The following EPB41L4A variants were observed in gnomAD, a reference collection of about 807,000 sequenced individuals.
EPB41L4A encodes erythrocyte membrane protein band 4.1 like 4A.
EPB41L4A carries 100 observed loss-of-function variants against 108.6 expected under a neutral mutation model. That is an observed-to-expected ratio of 0.92 (90% CI 0.78 to 1.09). The LOEUF is 1.09. EPB41L4A is among the 50% of genes least tolerant of loss of function. The pLI, the probability that EPB41L4A is intolerant of heterozygous loss-of-function variation, is 0.00. For synonymous variants in EPB41L4A, 319 were observed against 289.0 expected (o/e 1.10, Z -1.05); for missense variants, 1,030 against 842.7 (o/e 1.22, Z -2.75).
intron 2 of EPB41L4A, among the ~76,000 whole-genome samples, chr5:112,292,749 T>C (rs1466594172): frequency 6.6e-6 from 1 of 152,172 alleles, no homozygotes; most frequent in Non-Finnish European, 1.5e-5. Context: ...AGATTCAGAA[T>C]AAGGTTAAAT....
At chr5:112,359,931 T>C (rs889991026) in intron 1 of EPB41L4A, among the ~76,000 whole-genome samples, 1 of 152,250 alleles carries the variant, frequency 6.6e-6, no homozygotes, top group Non-Finnish European at 1.5e-5. Context: ...CATCTCAACA[T>C]ACATGTTGCA....
At chr5:112,340,864 T>C (rs1757271977) in intron 1 of EPB41L4A, among the ~76,000 whole-genome samples, 1 of 152,196 alleles carries the variant, frequency 6.6e-6, no homozygotes, top group African/African-American at 2.4e-5. Flanking sequence ...CATAAATATA[T>C]TTCATACATA....
chr5:112,268,699 T>A (rs1332663027), intron 4 of EPB41L4A, among the ~76,000 whole-genome samples: 2 of 151,538 alleles, frequency 1.3e-5, no homozygotes, highest in Non-Finnish European at 1.5e-5. Context: ...AAAAACAAAT[T>A]AGCCAGCCAG....
intron 1 of EPB41L4A, among the ~76,000 whole-genome samples, chr5:112,392,401 C>CAAAAAA (rs56256606): frequency 7.0e-4 from 25 of 35,916 alleles, no homozygotes; most frequent in African/African-American, 1.1e-3. Flanking sequence ...AAATGGAAAG[C>CAAAAAA]AAAAAAAAAA....
chr5:112,394,604 T>C (rs536143929), intron 1 of EPB41L4A, among the ~76,000 whole-genome samples: 7 of 152,262 alleles, frequency 4.6e-5, no homozygotes, highest in Non-Finnish European at 4.4e-5. Flanking sequence ...CACAAACAAA[T>C]GGAAGAACAT....
chr5:112,263,491 T>C (rs1329461331), intron 6 of EPB41L4A: 1 of 152,166 alleles, frequency 6.6e-6, no homozygotes, highest in South Asian at 2.1e-4. Context: ...CTAAAACACA[T>C]GAGAGCCTTT....
intron 1 of EPB41L4A, among the ~76,000 whole-genome samples, chr5:112,361,780 G>A (rs756523090): frequency 2.0e-5 from 3 of 151,910 alleles, no homozygotes; most frequent in Non-Finnish European, 4.4e-5. Context: ...ACATTTACTC[G>A]GGAGGCTGAG....
chr5:112,176,979 T>C lies in EPB41L4A; in HGVS notation c.1623-5987A>G, dbSNP rs989276953. 3.3e-5 allele frequency among the ~76,000 whole-genome samples: 5 copies of C among 152,116 alleles called. No homozygotes were observed. In the South Asian group the frequency reaches 8.3e-4, roughly 25 times the overall value. On this transcript the variant is annotated intron_variant, in intron 18 of 22. Transcript: ENST00000261486. ...CACGTTGGCCAGGCTTGTCTTGAAC[T>C]CCTGAACTCAGGTGATCGGCCTGCC...
intron 1 of EPB41L4A, among the ~76,000 whole-genome samples, chr5:112,332,429 G>A (rs764443554): frequency 2.0e-5 from 3 of 152,182 alleles, no homozygotes; most frequent in African/African-American, 4.8e-5. Context: ...ATTTCAGAGT[G>A]TGAAAGGGTC....
intron 9 of EPB41L4A, among the ~76,000 whole-genome samples, chr5:112,250,293 TTTACATCGTA>T (rs1291421792): frequency 3.3e-5 from 5 of 152,166 alleles, no homozygotes; most frequent in Non-Finnish European, 5.9e-5. Flanking sequence ...CATACAAATA[TTTACATCGTA>T]TTCCAGTAAA....
intron 1 of EPB41L4A, among the ~76,000 whole-genome samples, chr5:112,318,745 C>A (rs896907910): frequency 1.3e-5 from 2 of 152,186 alleles, no homozygotes; most frequent in African/African-American, 4.8e-5. Flanking sequence ...CAGACTAAGA[C>A]TCAAATGTTC....
At chr5:112,371,278 T>C (rs953221571) in intron 1 of EPB41L4A, among the ~76,000 whole-genome samples, 74 of 152,336 alleles carry the variant, frequency 4.9e-4, no homozygotes, top group African/African-American at 1.6e-3. Flanking sequence ...TATTTACAAA[T>C]ACAAAAGATG....
chr5:112,323,116 T>C (rs545148399), intron 1 of EPB41L4A, among the ~76,000 whole-genome samples: 2 of 152,072 alleles, frequency 1.3e-5, no homozygotes, highest in South Asian at 4.2e-4. Context: ...GGTAAAAATA[T>C]CAGAGATGTG....
At chr5:112,333,345 A>T (rs193221748) in intron 1 of EPB41L4A, among the ~76,000 whole-genome samples, 1 of 152,264 alleles carries the variant, frequency 6.6e-6, no homozygotes, top group East Asian at 1.9e-4. Context: ...GTGCATGTCA[A>T]CTGCATGCTG....
At chr5:112,284,778 A>C (rs1477067742) in intron 2 of EPB41L4A, among the ~76,000 whole-genome samples, 1 of 152,160 alleles carries the variant, frequency 6.6e-6, no homozygotes, top group Non-Finnish European at 1.5e-5. Flanking sequence ...CAGCCTTACC[A>C]CTTCAGGCCT....
chr5:112,274,754 T>C (rs1276638488), intron 4 of EPB41L4A, among the ~76,000 whole-genome samples: 1 of 152,222 alleles, frequency 6.6e-6, no homozygotes, highest in East Asian at 1.9e-4. Context: ...ATGTACTATT[T>C]TGACAACCTA....
chr5:112,184,165 A>T, intron 17 of EPB41L4A, 30 bp from the exon 18 acceptor site: 1 of 1,611,954 alleles, frequency 6.2e-7, no homozygotes, highest in South Asian at 1.1e-5. Context: ...TCTGAAGTTA[A>T]CATCTACATG....
rs1177398319 is a variant in EPB41L4A at position 112,232,113 on chromosome 5, C to CAA, written c.1087+2519_1087+2520dup. ...TGGGTGACAAGGTGAAACCTTGTCTCAAAAAAAAAAAAAAAAGAGAGAGAG... is the reference window on the plus strand; with the variant it reads ...TGGGTGACAAGGTGAAACCTTGTCTCAAAAAAAAAAAAAAAAAAGAGAGAGAG... On this transcript the variant is annotated intron_variant, in intron 12 of 22. Coordinates refer to ENST00000261486, the MANE Select transcript of EPB41L4A (RefSeq NM_022140.5). Among the ~76,000 whole-genome samples, 456 of 87,766 alleles carry CAA rather than the reference C, an allele frequency of 5.2e-3. 4 individuals are homozygous for CAA. The highest frequency in any genetic ancestry group is 6.8e-3 in the Non-Finnish European group (298 of 43,734). 57.6% of individuals were successfully genotyped at this position (87,766 alleles called of 152,430 possible). A position where few individuals can be genotyped will look rare whatever the true frequency, so the allele number is the denominator to read the frequency against.
At chr5:112,332,558 A>G (rs1756635612) in intron 1 of EPB41L4A, among the ~76,000 whole-genome samples, 1 of 152,196 alleles carries the variant, frequency 6.6e-6, no homozygotes, top group South Asian at 2.1e-4. Flanking sequence ...CTCTGGAGTC[A>G]GTCTTCTACT....
Sources: allele counts gnomAD v4.1 joint callset (sites outside exome capture counted in the v4.1 genomes callset), GRCh38; gene constraint gnomAD v4.1.1; transcripts MANE v1.5; gene names NCBI Gene and HGNC (gene_info 2026-07-23, HGNC 2026-07-21).